SLCO2A1: variants seen among roughly 807,000 people sequenced by gnomAD.
SLCO2A1 encodes the protein solute carrier organic anion transporter family member 2A1, also known as matrin F/G 1.
Under a neutral mutation model 71.7 loss-of-function variants are expected in SLCO2A1, and 60 were observed. The observed-to-expected ratio is 0.84, with a 90% confidence interval of 0.68 to 1.04. The LOEUF is 1.04. Among genes scored for constraint, SLCO2A1 ranks in the 50% least tolerant of loss-of-function variants. The pLI is 0.00. For missense variants in SLCO2A1, 745 were observed against 813.4 expected, an observed-to-expected ratio of 0.92 and a Z score of 1.02; for synonymous variants, 308 against 326.7, an observed-to-expected ratio of 0.94 and a Z score of 0.62.
Position 133,979,592 on chromosome 3 carries a change from C to T in SLCO2A1, c.123G>A (p.Leu41=). Reference sequence around the variant, plus strand: ...CGCTGTACAGGAGTTGGCAGAGCTGCAGGAGGCCTTGGCAGAGCACAAACA... The same window carrying T: ...CGCTGTACAGGAGTTGGCAGAGCTGTAGGAGGCCTTGGCAGAGCACAAACA... ...IKVFVLCQGL[L]QLCQLLYSAY... The change falls in exon 2 of 14, where the codon CTG becomes CTA. Residue 41 remains leucine, a synonymous_variant. Coordinates refer to ENST00000310926, the MANE Select transcript of SLCO2A1 (RefSeq NM_005630.3). The T allele has an allele frequency of 6.2e-7, 1 of 1,613,670 alleles. No homozygotes were observed. Among genetic ancestry groups the T allele is most frequent in the Non-Finnish European group, 8.5e-7 (1 of 1,179,772 alleles).
chr3:133,983,429 T>C (rs1333548456), intron 1 of SLCO2A1, among the ~76,000 whole-genome samples: 2 of 152,202 alleles, frequency 1.3e-5, no homozygotes, highest in East Asian at 3.8e-4. Flanking sequence ...CCTGTGCAGA[T>C]TGAAGATTTG....
intron 3 of SLCO2A1, among the ~76,000 whole-genome samples, chr3:133,962,145 T>C (rs1033502168): frequency 2.6e-5 from 4 of 152,204 alleles, no homozygotes; most frequent in Non-Finnish European, 5.9e-5. Context: ...AATAGCATGA[T>C]CTTGGCTCAC....
chr3:134,012,227 C>T (rs184798085), intron 1 of SLCO2A1, among the ~76,000 whole-genome samples: 6 of 152,270 alleles, frequency 3.9e-5, no homozygotes, highest in Admixed American at 2.6e-4. Context: ...CTGAGCAGTC[C>T]ACAGTTAGAG....
chr3:133,990,480 G>A (rs924228288), intron 1 of SLCO2A1, among the ~76,000 whole-genome samples: 2 of 152,254 alleles, frequency 1.3e-5, no homozygotes, highest in South Asian at 4.2e-4. Flanking sequence ...ATATGTACTT[G>A]TCAGTGGACT....
At chr3:133,985,511 G>A (rs1199706875) in intron 1 of SLCO2A1, among the ~76,000 whole-genome samples, 2 of 152,114 alleles carry the variant, frequency 1.3e-5, no homozygotes, top group Non-Finnish European at 2.9e-5. Context: ...TGAATTACAC[G>A]GGCTGCATTA....
At chr3:133,963,543 A>G (rs1375247662) in intron 3 of SLCO2A1, among the ~76,000 whole-genome samples, 11 of 152,242 alleles carry the variant, frequency 7.2e-5, no homozygotes, top group Admixed American at 7.2e-4. Flanking sequence ...TTCTGCCAGG[A>G]AAGAGGAGGG....
At chr3:133,988,966 G>A (rs1195142346) in intron 1 of SLCO2A1, among the ~76,000 whole-genome samples, 1 of 152,184 alleles carries the variant, frequency 6.6e-6, no homozygotes, top group African/African-American at 2.4e-5. Context: ...TAAAGCAAAA[G>A]GGAAAACCCC....
chr3:133,940,052 C>T (rs1242062796), intron 11 of SLCO2A1, among the ~76,000 whole-genome samples: 4 of 151,390 alleles, frequency 2.6e-5, no homozygotes, highest in Admixed American at 6.6e-5. Context: ...ACTGCAACCT[C>T]CACTTCCCAG....
chr3:134,015,350 T>C (rs146660037), intron 1 of SLCO2A1, among the ~76,000 whole-genome samples: 49 of 145,008 alleles, frequency 3.4e-4, no homozygotes, highest in African/African-American at 1.2e-3. Flanking sequence ...GAAAGACAAA[T>C]ACCTCATGAT....
chr3:133,989,572 CATTTT>C (rs756668772), intron 1 of SLCO2A1, among the ~76,000 whole-genome samples: 20 of 152,178 alleles, frequency 1.3e-4, no homozygotes, highest in Non-Finnish European at 2.4e-4. Context: ...ATTCTTTCCA[CATTTT>C]ATTTTATTTT....
At chr3:133,982,297 C>G (rs62272000) in intron 1 of SLCO2A1, among the ~76,000 whole-genome samples, 1 of 152,002 alleles carries the variant, frequency 6.6e-6, no homozygotes, top group Non-Finnish European at 1.5e-5. Flanking sequence ...AGACTAATGC[C>G]CCCAAAGCCT....
In SLCO2A1 at chr3:133,979,627, A is replaced by G. The variant is rs761575031; in HGVS notation, c.97-9T>C. The G allele has an allele frequency of 1.2e-6, 2 of 1,603,378 alleles. No individual in the cohort carries two copies. The highest frequency in any genetic ancestry group is 2.2e-5 in the South Asian group (2 of 89,008). ...TGGCAGAGCACAAACACCTGGGGGAAGAGTGATGGGCCCGTGAGGTTTCTG... is the reference window on the plus strand; with the variant it reads ...TGGCAGAGCACAAACACCTGGGGGAGGAGTGATGGGCCCGTGAGGTTTCTG... On this transcript the variant is annotated splice_polypyrimidine_tract_variant and intron_variant, in intron 1 of 13. Transcript: ENST00000310926.
intron 4 of SLCO2A1, among the ~76,000 whole-genome samples, chr3:133,954,288 A>C (rs1933828556): frequency 6.6e-6 from 1 of 150,672 alleles, no homozygotes; most frequent in African/African-American, 2.4e-5. Context: ...TCAGCATCCC[A>C]AGTAGCTGGG....
chr3:133,992,921 G>T lies in SLCO2A1; in HGVS notation c.97-13303C>A, dbSNP rs760262735. Among the ~76,000 whole-genome samples the T allele has an allele frequency of 2.0e-5, 3 of 149,582 alleles. No individual in the cohort carries two copies. The South Asian group carries it at 6.2e-4, about 31-fold the overall frequency. ...CCAGACAAGAGTTCAGATGTCATGAGTGTGGGTGCTGTCATGAGTGTGGGT... is the reference window on the plus strand; with the variant it reads ...CCAGACAAGAGTTCAGATGTCATGATTGTGGGTGCTGTCATGAGTGTGGGT... On this transcript the variant is annotated intron_variant, in intron 1 of 13. Coordinates refer to ENST00000310926, the MANE Select transcript of SLCO2A1 (RefSeq NM_005630.3).
intron 11 of SLCO2A1, among the ~76,000 whole-genome samples, chr3:133,941,440 C>T (rs2108038289): frequency 6.6e-6 from 1 of 152,228 alleles, no homozygotes; most frequent in East Asian, 1.9e-4. Flanking sequence ...AGGCAACACC[C>T]TAACACAGCC....
chr3:133,982,097 T>C (rs1934607669), intron 1 of SLCO2A1, among the ~76,000 whole-genome samples: 1 of 152,080 alleles, frequency 6.6e-6, no homozygotes, highest in Non-Finnish European at 1.5e-5. Flanking sequence ...GGTTATAGGT[T>C]ATAAGAAAGC....
intron 1 of SLCO2A1, among the ~76,000 whole-genome samples, chr3:134,029,042 G>T (rs902024146): frequency 6.6e-6 from 1 of 152,186 alleles, no homozygotes. Flanking sequence ...GACCTTCCTG[G>T]GGCCATTTCC....
At chr3:133,995,978 T>C (rs1456037118) in intron 1 of SLCO2A1, among the ~76,000 whole-genome samples, 1 of 152,240 alleles carries the variant, frequency 6.6e-6, no homozygotes, top group East Asian at 1.9e-4. Flanking sequence ...GCCAGCTCCA[T>C]ACCAGAGCTC....
chr3:133,980,794 G>T (rs1934570845), intron 1 of SLCO2A1, among the ~76,000 whole-genome samples: 3 of 152,200 alleles, frequency 2.0e-5, no homozygotes, highest in Admixed American at 2.0e-4. Flanking sequence ...GTCAGACAGA[G>T]CCCAGAACTC....
Sources: allele counts gnomAD v4.1 joint callset (sites outside exome capture counted in the v4.1 genomes callset), GRCh38; gene constraint gnomAD v4.1.1; transcripts MANE v1.5; gene names NCBI Gene and HGNC (gene_info 2026-07-23, HGNC 2026-07-21).